SPTBN2: variants seen among roughly 807,000 people sequenced by gnomAD.
SPTBN2 encodes spectrin beta, non-erythrocytic 2.
A neutral mutation model predicts 284.2 loss-of-function variants in SPTBN2; 107 were observed. The observed-to-expected ratio is 0.38, with a 90% CI of 0.32 to 0.44. The LOEUF is 0.44. Ranked by LOEUF, SPTBN2 falls within the 20% of genes least tolerant of loss-of-function variation. The pLI is 1.00. For synonymous variants in SPTBN2, 1,289 were observed against 1,354.8 expected (o/e 0.95, Z 1.07); for missense variants, 2,569 against 3,287.1 (o/e 0.78, Z 5.34).
In SPTBN2 at chr11:66,693,553, C is replaced by G; in HGVS notation, c.4594-107G>C. 6.6e-7 allele frequency: 1 copy of G among 1,514,574 alleles called. No homozygotes were observed. Among genetic ancestry groups the G allele is most frequent in the Middle Eastern group, 2.2e-4 (1 of 4,552 alleles). 93.8% of individuals were successfully genotyped at this position (1,514,574 alleles called of 1,614,324 possible). On this transcript the variant is annotated intron_variant, in intron 23 of 37. Transcript: ENST00000533211. The surrounding 1 kb of genome is among the most constrained non-coding windows in gnomAD (Gnocchi z 5.7). ...GCCTCTCTCCTTCCTGGGTCCTCTG[C>G]TCCCTCTCCTAGCCTGGGGGTGCGA...
At position 66,704,944 on chromosome 11, in the gene SPTBN2, C is replaced by A; in HGVS notation, c.2332G>T (p.Asp778Tyr). The change falls in exon 15 of 38, where the codon GAC becomes TAC. Residue 778 changes from aspartate (D) to tyrosine (Y), a missense_variant. Coordinates refer to ENST00000533211, the MANE Select transcript of SPTBN2 (RefSeq NM_006946.4). ...RLVSSPELGH[D>Y]EFSTQALARQ... ...GCTAGAGCCTGCGTGGAGAACTCGT[C>A]GTGCCCCAGCTCGGGGCTGGACACC... is the stretch of plus-strand genomic sequence containing the variant. 6.2e-7 allele frequency: 1 copy of A among 1,610,748 alleles called. No individual in the cohort carries two copies.
rs1220444395 is a variant in SPTBN2 at position 66,708,820 on chromosome 11, T to C, written c.1191+82A>G. On this transcript the variant is annotated intron_variant, in intron 11 of 37. Transcript: ENST00000533211. The surrounding 1 kb of genome is among the most constrained non-coding windows in gnomAD (Gnocchi z 4.4). ...TAGTAGAACTTGGTGAAGGTCGACATGGCCCCGGGTTTGGGGATGTGTGCA... is the reference window on the plus strand; with the variant it reads ...TAGTAGAACTTGGTGAAGGTCGACACGGCCCCGGGTTTGGGGATGTGTGCA... 6.9e-6 allele frequency: 8 copies of C among 1,157,026 alleles called. No homozygotes were observed. Among genetic ancestry groups the C allele is most frequent in the East Asian group, 4.7e-5 (2 of 42,348 alleles). The allele number at this position is 1,157,026 out of a possible 1,614,324, so 71.7% of individuals were successfully genotyped here. A position where few individuals can be genotyped will look rare whatever the true frequency, so the allele number is the denominator to read the frequency against.
At position 66,708,175 on chromosome 11, in the gene SPTBN2, G is replaced by A. The variant is rs1212544766; in HGVS notation, c.1316C>T (p.Thr439Ile). 3 of 1,613,068 alleles carry A rather than the reference G, an allele frequency of 1.9e-6. No individual in the cohort carries two copies. Among genetic ancestry groups the A allele is most frequent in the Admixed American group, 3.3e-5 (2 of 60,028 alleles). Residue 439 changes from threonine (T) to isoleucine (I), a missense_variant, in exon 12 of 38, where the codon ACC becomes ATC. Thr to Ile is a moderately conservative substitution (Grantham distance 89). Around this residue, in one of 6 missense-constraint regions of SPTBN2, gnomAD observed 1,012 missense variants for 1,248.9 expected, o/e 0.81. Coordinates refer to ENST00000533211, the MANE Select transcript of SPTBN2 (RefSeq NM_006946.4). This position sits in a 1 kb window ranked among gnomAD's most constrained non-coding sequence, Gnocchi z 4.4. ...RFDRKAAMRE[T>I]WLSENQRLVS... ...GAGGCGCTGGTTCTCGCTGAGCCAG[G>A]TCTCCCGCATGGCAGCCTTGCGGTC...
Position 66,721,108 on chromosome 11 carries a change from T to C in SPTBN2, c.133A>G (p.Arg45Gly). 1 of 1,614,054 alleles carries C rather than the reference T, an allele frequency of 6.2e-7. No individual in the cohort carries two copies. Among genetic ancestry groups the C allele is most frequent in the Non-Finnish European group, 8.5e-7 (1 of 1,180,022 alleles). The change falls in exon 3 of 38, where the codon AGG becomes GGG. Residue 45 changes from arginine to glycine, a missense_variant. Around this residue, in one of 6 missense-constraint regions of SPTBN2, gnomAD observed 304 missense variants for 522.1 expected, o/e 0.58. Coordinates refer to ENST00000533211, the MANE Select transcript of SPTBN2 (RefSeq NM_006946.4). ...CCTGCCAGAGCCTTAATGCGAGACC[T>C]CTCAAAGAGGCGGGCCGAGCTGCTG... ...NDSSSARLFE[R>G]SRIKALADER...
In SPTBN2 at chr11:66,705,269, C is replaced by G. The variant is rs1235180040; in HGVS notation, c.2007G>C (p.Thr669=). The change falls in exon 15 of 38, where the codon ACG becomes ACC. Residue 669 remains threonine (T), a synonymous_variant. Coordinates refer to ENST00000533211, the MANE Select transcript of SPTBN2 (RefSeq NM_006946.4). ...EQQHLLASAD[T]GRDLTGALRL... ...GGAGGGCACCGGTCAGGTCTCGGCC[C>G]GTGTCGGCTGAGGCCAGGAGGTGCT... is the stretch of plus-strand genomic sequence containing the variant. 5.0e-6 allele frequency: 8 copies of G among 1,591,560 alleles called. No homozygotes were observed. Among genetic ancestry groups the G allele is most frequent in the Non-Finnish European group, 6.8e-6 (8 of 1,174,478 alleles).
At position 66,693,294 on chromosome 11, in the gene SPTBN2, C is replaced by T. The variant is rs752664059; in HGVS notation, c.4746G>A (p.Lys1582=). 2 of 1,613,646 alleles carry T rather than the reference C, an allele frequency of 1.2e-6. No individual in the cohort carries two copies. The highest frequency in any genetic ancestry group is 2.2e-5 in the East Asian group (1 of 44,890). ...RLGHELELRG[K]RLEDALRAQQ... is the part of the protein sequence containing the mutation. ...GGGCTCGCAGGGCATCCTCCAGTCG[C>T]TTCCCTCGAAGTTCCAGCTCGTGGC... The change falls in exon 24 of 38, where the codon AAG becomes AAA. Residue 1582 remains lysine, a synonymous_variant. Coordinates refer to ENST00000533211, the MANE Select transcript of SPTBN2 (RefSeq NM_006946.4). The surrounding 1 kb of genome is among the most constrained non-coding windows in gnomAD (Gnocchi z 5.7).
Position 66,721,216 on chromosome 11 carries a change from C to T in SPTBN2, c.25G>A (p.Asp9Asn). The change falls in exon 3 of 38, where the codon GAC becomes AAC. Residue 9 changes from aspartate to asparagine, a missense_variant. Physicochemically the swap from Asp to Asn is conservative, Grantham distance 23. Around this residue, in one of 6 missense-constraint regions of SPTBN2, gnomAD observed 304 missense variants for 522.1 expected, o/e 0.58. Coordinates refer to ENST00000533211, the MANE Select transcript of SPTBN2 (RefSeq NM_006946.4). MSSTLSPT[D>N]FDSLEIQGQY... is the part of the protein sequence containing the mutation. ...CCCTGGATTTCCAAGCTGTCAAAGT[C>T]TGTGGGTGACAGCGTGCTGCTCATG... is the stretch of plus-strand genomic sequence containing the variant. The T allele has an allele frequency of 6.2e-7, 1 of 1,614,182 alleles. No individual in the cohort carries two copies. The highest frequency in any genetic ancestry group is 8.5e-7 in the Non-Finnish European group (1 of 1,180,042).
chr11:66,722,982 C>T (rs1354719835), intron 1 of SPTBN2, among the ~76,000 whole-genome samples: 1 of 150,748 alleles, frequency 6.6e-6, no homozygotes, highest in African/African-American at 2.4e-5. Context: ...AAAGTTCTTT[C>T]TGACTCTGGG....
At position 66,701,000 on chromosome 11, in the gene SPTBN2, T is replaced by C. The variant is rs112739946; in HGVS notation, c.3099A>G (p.Ala1033=). The C allele has an allele frequency of 1.1e-5, 17 of 1,607,784 alleles. No individual in the cohort carries two copies. The highest frequency in any genetic ancestry group is 6.7e-5 in the African/African-American group (5 of 75,052). ...NALAAGHPAQ[A]VAINARLREV... ...CTCTCAGCCGGGCGTTGATGGCCAC[T>C]GCCTGAGCGGGATGGCCGGCAGCCA... Residue 1033 remains alanine, a synonymous_variant, in exon 17 of 38, where the codon GCA becomes GCG. Coordinates refer to ENST00000533211, the MANE Select transcript of SPTBN2 (RefSeq NM_006946.4). This position sits in a 1 kb window ranked among gnomAD's most constrained non-coding sequence, Gnocchi z 6.6.
intron 10 of SPTBN2, among the ~76,000 whole-genome samples, chr11:66,709,597 T>C (rs1397941872): frequency 6.6e-6 from 1 of 152,254 alleles, no homozygotes; most frequent in African/African-American, 2.4e-5. Flanking sequence ...TTTTCTTTTC[T>C]AGTGGTTGTG....
chr11:66,707,599 G>T lies in SPTBN2; in HGVS notation c.1570C>A (p.Arg524=). ...DFLRQMVAAR[R]ERLLLNLELQ... is the part of the protein sequence containing the mutation. Reference sequence around the variant, plus strand: ...TCCAGGTTGAGGAGGAGCCGCTCCCGCCGGGCGGCCACCATCTGCCGCAAG... The same window carrying T: ...TCCAGGTTGAGGAGGAGCCGCTCCCTCCGGGCGGCCACCATCTGCCGCAAG... The change falls in exon 13 of 38, where the codon CGG becomes AGG. Residue 524 remains arginine (R), a synonymous_variant. Transcript: ENST00000533211. This position sits in a 1 kb window ranked among gnomAD's most constrained non-coding sequence, Gnocchi z 4.9. 1 of 1,611,546 alleles carries T rather than the reference G, an allele frequency of 6.2e-7. No individual in the cohort carries two copies. The highest frequency in any genetic ancestry group is 1.1e-5 in the South Asian group (1 of 91,060).
rs1415578411 is a variant in SPTBN2, at chr11:66,710,910, A to G, written c.885+7T>C. ...TGGCCTTTATGCCTACTGCCCATGG[A>G]CAGTACCTTGCCAATTCTCTTGCCT... On this transcript the variant is annotated splice_region_variant and intron_variant, in intron 9 of 37. Coordinates refer to ENST00000533211, the MANE Select transcript of SPTBN2 (RefSeq NM_006946.4). This position sits in a 1 kb window ranked among gnomAD's most constrained non-coding sequence, Gnocchi z 4.9. 6.2e-7 allele frequency: 1 copy of G among 1,612,346 alleles called. No individual in the cohort carries two copies. The highest frequency in any genetic ancestry group is 2.2e-5 in the East Asian group (1 of 44,868).
Position 66,694,309 on chromosome 11 carries a change from G to C in SPTBN2, c.4333C>G (p.Gln1445Glu), listed in dbSNP as rs1280757276. Reference sequence around the variant, plus strand: ...TCCTCCTGGGCCAGTGCTTTGGCCTGGGCCTGGATTGCCTCCACCTCCTTC... The same window carrying C: ...TCCTCCTGGGCCAGTGCTTTGGCCTCGGCCTGGATTGCCTCCACCTCCTTC... ...REKEVEAIQA[Q>E]AKALAQEDQG... The change falls in exon 22 of 38, where the codon CAG (glutamine) becomes GAG (glutamate). Residue 1445 changes from glutamine (Q) to glutamate (E), a missense_variant. Transcript: ENST00000533211. The C allele has an allele frequency of 6.2e-7, 1 of 1,614,226 alleles. No individual in the cohort carries two copies.
Position 66,701,614 on chromosome 11 carries a change from A to G in SPTBN2, c.2786T>C (p.Ile929Thr). 1 of 1,613,970 alleles carries G rather than the reference A, an allele frequency of 6.2e-7. No homozygotes were observed. ...GTTGAGCTGCTCCTGGGTGTTGACA[A>G]TGCGGTCTTTGCCTGGGGGGTTGGC... ...LKANPPGKDR[I>T]VNTQEQLNHR... is the part of the protein sequence containing the mutation. The change falls in exon 16 of 38, where the codon ATT becomes ACT. Residue 929 changes from isoleucine to threonine, a missense_variant. Physicochemically the swap from Ile to Thr is moderately conservative, Grantham distance 89. Around this residue, in one of 6 missense-constraint regions of SPTBN2, gnomAD observed 1,012 missense variants for 1,248.9 expected, o/e 0.81. Transcript: ENST00000533211.
At chr11:66,703,972 C>CTT (rs11286358) in intron 15 of SPTBN2, among the ~76,000 whole-genome samples, 38 of 109,748 alleles carry the variant, frequency 3.5e-4, no homozygotes, top group African/African-American at 9.6e-4. Context: ...TATTTCTTTT[C>CTT]TTTTTTTTTT....
At position 66,693,159 on chromosome 11, in the gene SPTBN2, T is replaced by A; in HGVS notation, c.4854+27A>T. 6.2e-7 allele frequency: 1 copy of A among 1,614,210 alleles called. No homozygotes were observed. The highest frequency in any genetic ancestry group is 1.3e-5 in the African/African-American group (1 of 75,060). ...TCAGGGGAGGGCAGAACTGGTCACA[T>A]ACACTGGGCTCTGTCCTGGCCCTCA... On this transcript the variant is annotated intron_variant, in intron 24 of 37. Coordinates refer to ENST00000533211, the MANE Select transcript of SPTBN2 (RefSeq NM_006946.4). This position sits in a 1 kb window ranked among gnomAD's most constrained non-coding sequence, Gnocchi z 5.7.
Position 66,704,926 on chromosome 11 carries a change from C to T in SPTBN2, c.2350G>A (p.Ala784Thr). 2.5e-6 allele frequency: 4 copies of T among 1,611,514 alleles called. No individual in the cohort carries two copies. The highest frequency in any genetic ancestry group is 3.4e-6 in the Non-Finnish European group (4 of 1,179,908). The part of the protein sequence containing the change: ...ELGHDEFSTQ[A>T]LARQHRALEE... ...AGGGCCCGATGCTGCCTGGCTAGAG[C>T]CTGCGTGGAGAACTCGTCGTGCCCC... The change falls in exon 15 of 38, where the codon GCT (alanine) becomes ACT (threonine). Residue 784 changes from alanine to threonine, a missense_variant. Ala to Thr is a moderately conservative substitution (Grantham distance 58, BLOSUM62 0). This residue lies in a region of SPTBN2 where 1,012 missense variants were observed against 1,248.9 expected (regional missense o/e 0.81). Transcript: ENST00000533211.
chr11:66,743,280 G>A (rs187847105), intron 1 of SPTBN2, among the ~76,000 whole-genome samples: 53 of 152,332 alleles, frequency 3.5e-4, no homozygotes, highest in African/African-American at 1.2e-3. Flanking sequence ...CTGAGATGGG[G>A]AGGAATGGGG....
Position 66,691,776 on chromosome 11 carries a change from C to A in SPTBN2, c.5191-118G>T. Reference sequence around the variant, plus strand: ...CCCACCTCTCCCCGCTGCATGGGGGCCGGGACAGGTTTCTTCCCTGTGGTT... The same window carrying A: ...CCCACCTCTCCCCGCTGCATGGGGGACGGGACAGGTTTCTTCCCTGTGGTT... On this transcript the variant is annotated intron_variant, in intron 26 of 37. Transcript: ENST00000533211. The surrounding 1 kb of genome is among the most constrained non-coding windows in gnomAD (Gnocchi z 8.0). 2 of 1,452,488 alleles carry A rather than the reference C, an allele frequency of 1.4e-6. No homozygotes were observed. The highest frequency in any genetic ancestry group is 1.9e-6 in the Non-Finnish European group (2 of 1,058,264). The allele number at this position is 1,452,488 out of a possible 1,614,324, so 90.0% of individuals were successfully genotyped here. A position where few individuals can be genotyped will look rare whatever the true frequency, so the allele number is the denominator to read the frequency against.
Sources: allele counts gnomAD v4.1 joint callset (sites outside exome capture counted in the v4.1 genomes callset), GRCh38; gene constraint gnomAD v4.1.1; regional missense constraint gnomAD v4.1.1; non-coding constraint Gnocchi (gnomAD v3.1); transcripts MANE v1.5; gene names NCBI Gene and HGNC (gene_info 2026-07-23, HGNC 2026-07-21).